The following PTPRT variants were observed in gnomAD, a reference collection of about 807,000 sequenced individuals.
The protein encoded by PTPRT is protein tyrosine phosphatase receptor type T.
In PTPRT, 56 loss-of-function variants were observed where a neutral mutation model predicts 176.8. The observed-to-expected ratio is 0.32, with a 90% confidence interval of 0.26 to 0.40. The LOEUF (loss-of-function observed/expected upper bound fraction) is 0.40. Ranked by LOEUF, PTPRT falls within the 10% of genes least tolerant of loss-of-function variation. The pLI, the probability that PTPRT is intolerant of heterozygous loss-of-function variation, is 1.00. For synonymous variants in PTPRT, 783 were observed against 739.0 expected, an observed-to-expected ratio of 1.06 and a Z score of -0.96; for missense variants, 1,540 against 1,908.2, an observed-to-expected ratio of 0.81 and a Z score of 3.60.
intron 9 of PTPRT, among the ~76,000 whole-genome samples, chr20:42,414,442 T>A (rs2059046413): frequency 6.6e-6 from 1 of 152,218 alleles, no homozygotes; most frequent in Admixed American, 6.5e-5. Flanking sequence ...ATAAAAGGTA[T>A]GCCTGTTTTT....
chr20:42,883,574 T>A (rs2079038152), intron 2 of PTPRT, among the ~76,000 whole-genome samples: 1 of 151,596 alleles, frequency 6.6e-6, no homozygotes, highest in South Asian at 2.1e-4. Context: ...GCTACAGGGC[T>A]TTAAGTGGAC....
At chr20:42,721,242 A>G (rs1268310112) in intron 6 of PTPRT, among the ~76,000 whole-genome samples, 1 of 152,252 alleles carries the variant, frequency 6.6e-6, no homozygotes, top group African/African-American at 2.4e-5. Flanking sequence ...AGTCAGACTC[A>G]AAAGTTAAAA....
chr20:42,798,705 C>T lies in PTPRT; in HGVS notation c.215-7239G>A, dbSNP rs951202857. Among the ~76,000 whole-genome samples, 9 of 152,070 alleles carry T rather than the reference C, an allele frequency of 5.9e-5. No homozygotes were observed. In the South Asian group the frequency reaches 1.2e-3, roughly 21 times the overall value. On this transcript the variant is annotated intron_variant, in intron 2 of 30. Transcript: ENST00000373187. ...ATATTGTGAACATTTTGTCACTTTG[C>T]GTGAACAAGTAATAAGCATTTCTGT...
At chr20:42,554,099 T>C (rs1225855146) in intron 7 of PTPRT, among the ~76,000 whole-genome samples, 1 of 152,090 alleles carries the variant, frequency 6.6e-6, no homozygotes, top group Non-Finnish European at 1.5e-5. Flanking sequence ...AAAAAAAACG[T>C]TCTTGGGAGA....
chr20:42,944,215 T>C (rs561123439), intron 1 of PTPRT, among the ~76,000 whole-genome samples: 1 of 152,044 alleles, frequency 6.6e-6, no homozygotes, highest in Non-Finnish European at 1.5e-5. Context: ...CATCACAGTT[T>C]AGGATTTTAG....
At chr20:42,396,505 C>G (rs866066982) in intron 9 of PTPRT, among the ~76,000 whole-genome samples, 1 of 152,208 alleles carries the variant, frequency 6.6e-6, no homozygotes, top group African/African-American at 2.4e-5. Flanking sequence ...CTTACTCACT[C>G]TATTCCAACC....
intron 1 of PTPRT, among the ~76,000 whole-genome samples, chr20:43,084,093 C>T (rs553634785): frequency 9.2e-5 from 14 of 152,230 alleles, no homozygotes; most frequent in African/African-American, 3.1e-4. Context: ...TTCCTGTGGA[C>T]GTAGGTTTTC....
At chr20:43,108,824 G>A (rs879628986) in intron 1 of PTPRT, among the ~76,000 whole-genome samples, 37 of 152,038 alleles carry the variant, frequency 2.4e-4, no homozygotes, top group Admixed American at 2.0e-4. Flanking sequence ...CACGCAATGG[G>A]ACAATCAAAA....
chr20:42,064,568 T>A, the PTPRT span, among the ~76,000 whole-genome samples: 2 of 152,224 alleles, frequency 1.3e-5, no homozygotes, highest in African/African-American at 4.8e-5. Context: ...ATGAATGAAT[T>A]CATTAGTTTA....
chr20:42,742,692 G>A (rs1436768196), intron 6 of PTPRT, among the ~76,000 whole-genome samples: 2 of 152,200 alleles, frequency 1.3e-5, no homozygotes, highest in Admixed American at 6.5e-5. Context: ...TACAGAGAAC[G>A]TAACATTGTC....
At position 42,184,544 on chromosome 20, in the gene PTPRT, T is replaced by TTCC. The variant is rs1385934478; in HGVS notation, c.2491+14695_2491+14696insGGA. On this transcript the variant is annotated intron_variant, in intron 16 of 30. Transcript: ENST00000373187. ...CTTCTTCTTCTTCTTCCTCTTCCTC[T>TTCC]TCTTCTTCTTCTTCTTATTCTTCTT... 9.9e-4 allele frequency among the ~76,000 whole-genome samples: 101 copies of TTCC among 101,794 alleles called. 3 individuals carry two copies. The highest frequency in any genetic ancestry group is 3.8e-3 in the African/African-American group (91 of 23,706). 66.8% of individuals were successfully genotyped at this position (101,794 alleles called of 152,430 possible).
At chr20:42,366,221 C>T (rs899733272) in intron 9 of PTPRT, among the ~76,000 whole-genome samples, 3 of 152,220 alleles carry the variant, frequency 2.0e-5, no homozygotes, top group Non-Finnish European at 4.4e-5. Context: ...AGCCCAGGTC[C>T]CCTGACACCC....
At chr20:42,867,681 G>T in intron 2 of PTPRT, among the ~76,000 whole-genome samples, 1 of 135,004 alleles carries the variant, frequency 7.4e-6, no homozygotes, top group East Asian at 2.1e-4. Context: ...TTTACATATG[G>T]CCTTTTTTTT....
chr20:42,116,782 C>G (rs780211666), intron 21 of PTPRT, among the ~76,000 whole-genome samples: 1 of 152,152 alleles, frequency 6.6e-6, no homozygotes, highest in African/African-American at 2.4e-5. Flanking sequence ...GCACAATAAG[C>G]ACCTGGCACA....
chr20:42,814,086 C>A (rs539952983), intron 2 of PTPRT, among the ~76,000 whole-genome samples: 5 of 152,250 alleles, frequency 3.3e-5, no homozygotes, highest in South Asian at 4.1e-4. Flanking sequence ...GAGGAATCCC[C>A]AAACTATGTT....
At chr20:42,285,131 G>GCT (rs1382927161) in intron 12 of PTPRT, among the ~76,000 whole-genome samples, 3 of 152,004 alleles carry the variant, frequency 2.0e-5, no homozygotes, top group Non-Finnish European at 4.4e-5. Flanking sequence ...GCTTCTGTTG[G>GCT]CTTCCATTCC....
At chr20:42,982,143 G>A (rs1983318632) in intron 1 of PTPRT, among the ~76,000 whole-genome samples, 2 of 152,214 alleles carry the variant, frequency 1.3e-5, no homozygotes, top group South Asian at 4.1e-4. Flanking sequence ...ATTCCTGGAA[G>A]TACTGAAAGA....
chr20:42,278,123 A>G lies in PTPRT; in HGVS notation c.2176+4366T>C, dbSNP rs188923538. The stretch of plus-strand genomic sequence containing the variant: ...TATATATATATATATATATATATAT[A>G]TATATATATATTTGCAAGTTGTGAT... On this transcript the variant is annotated intron_variant, in intron 13 of 30. Transcript: ENST00000373187. 5.6e-3 allele frequency among the ~76,000 whole-genome samples: 470 copies of G among 83,512 alleles called. 4 individuals are homozygous for G. The highest frequency in any genetic ancestry group is 0.023 in the African/African-American group (452 of 19,488). The allele number at this position is 83,512 out of a possible 152,430, so 54.8% of individuals were successfully genotyped here.
chr20:42,776,068 C>G (rs991295248), intron 4 of PTPRT, among the ~76,000 whole-genome samples: 2 of 152,176 alleles, frequency 1.3e-5, no homozygotes, highest in African/African-American at 4.8e-5. Flanking sequence ...CTGCTCAGTT[C>G]TTCCCAGGCT....
Sources: gnomAD v4.1 joint callset for allele counts (sites outside exome capture counted in the v4.1 genomes callset) on GRCh38, gnomAD v4.1.1 for gene constraint, MANE v1.5 for transcripts, NCBI Gene and HGNC (gene_info 2026-07-23, HGNC 2026-07-21) for gene names.